Variants in DOCK2 observed in about 807,000 individuals in gnomAD.
DOCK2 encodes the protein dedicator of cytokinesis protein 2.
In DOCK2, 87 loss-of-function variants were observed where a neutral mutation model predicts 248.9. That is an observed-to-expected ratio of 0.35 (90% CI 0.29 to 0.42). The LOEUF is 0.42. Ranked by LOEUF, DOCK2 falls within the 10% of genes least tolerant of loss-of-function variation. The probability of loss-of-function intolerance (pLI) is 1.00; values close to 1 mark genes in which losing one functional copy is unlikely to be tolerated. For missense variants in DOCK2, 1,747 were observed against 2,300.2 expected, an observed-to-expected ratio of 0.76 and a Z score of 4.92; for synonymous variants, 805 against 821.6, an observed-to-expected ratio of 0.98 and a Z score of 0.35.
chr5:169,980,864 T>G (rs1173436169), intron 27 of DOCK2: 1 of 152,174 alleles, frequency 6.6e-6, no homozygotes, highest in African/African-American at 2.4e-5. Flanking sequence ...TGCCACCCAG[T>G]GTAGAGGCTA....
At chr5:169,896,383 C>T (rs957997580) in intron 27 of DOCK2, among the ~76,000 whole-genome samples, 13 of 152,206 alleles carry the variant, frequency 8.5e-5, no homozygotes, top group East Asian at 5.8e-4. Context: ...TGAAAACAGA[C>T]GGCTTAGATT....
intron 25 of DOCK2, among the ~76,000 whole-genome samples, chr5:169,768,782 G>T: frequency 6.6e-6 from 1 of 152,132 alleles, no homozygotes. Flanking sequence ...TAGCCTCATA[G>T]TGGGGCTGTC....
intron 26 of DOCK2, among the ~76,000 whole-genome samples, chr5:169,821,964 C>A (rs1768476996): frequency 6.6e-6 from 1 of 152,016 alleles, no homozygotes; most frequent in South Asian, 2.1e-4. Flanking sequence ...GCAGAGGTTG[C>A]AATCCTAGTC....
At chr5:170,052,258 C>A (rs1756945123) in intron 41 of DOCK2, among the ~76,000 whole-genome samples, 1 of 152,162 alleles carries the variant, frequency 6.6e-6, no homozygotes, top group Non-Finnish European at 1.5e-5. Flanking sequence ...TGGTTATTTG[C>A]AGGATCAAAT....
chr5:170,058,286 T>G (rs531799861), intron 44 of DOCK2, among the ~76,000 whole-genome samples: 13 of 152,328 alleles, frequency 8.5e-5, no homozygotes, highest in Non-Finnish European at 1.9e-4. Flanking sequence ...ATTTATTTAT[T>G]TATTCATTCA....
At chr5:169,935,236 G>GCAGGAGCTAAGAT (rs60663179) in intron 27 of DOCK2, among the ~76,000 whole-genome samples, 1 of 152,060 alleles carries the variant, frequency 6.6e-6, no homozygotes, top group Admixed American at 6.5e-5. Flanking sequence ...TACACTGTTT[G>GCAGGAGCTAAGAT]CTGTGAGTCA....
At chr5:169,884,037 A>G (rs965029063) in intron 27 of DOCK2, 6 of 735,732 alleles carry the variant, frequency 8.2e-6, no homozygotes, top group African/African-American at 5.3e-5. Context: ...TCCTCTTAGT[A>G]TGGGAAATCC....
At chr5:169,810,565 G>A (rs1767676090) in intron 26 of DOCK2, among the ~76,000 whole-genome samples, 1 of 152,134 alleles carries the variant, frequency 6.6e-6, no homozygotes, top group African/African-American at 2.4e-5. Flanking sequence ...AGGTGGGTTG[G>A]TTAACATCAG....
At chr5:169,841,996 T>A (rs1770006273) in intron 27 of DOCK2, among the ~76,000 whole-genome samples, 1 of 152,196 alleles carries the variant, frequency 6.6e-6, no homozygotes, top group Non-Finnish European at 1.5e-5. Context: ...TAAAAAAGGA[T>A]GAGGGCTACT....
At chr5:169,871,669 C>T (rs1261384208) in intron 27 of DOCK2, among the ~76,000 whole-genome samples, 1 of 152,172 alleles carries the variant, frequency 6.6e-6, no homozygotes, top group East Asian at 1.9e-4. Flanking sequence ...TAATCTGCAT[C>T]TGTATGAAAT....
intron 23 of DOCK2, among the ~76,000 whole-genome samples, chr5:169,751,552 C>G (rs1763894930): frequency 6.6e-6 from 1 of 152,216 alleles, no homozygotes; most frequent in South Asian, 2.1e-4. Flanking sequence ...TGGAAACCCT[C>G]TTTTGTGACC....
chr5:170,044,333 G>A (rs1355077940), intron 38 of DOCK2, among the ~76,000 whole-genome samples: 1 of 152,138 alleles, frequency 6.6e-6, no homozygotes, highest in African/African-American at 2.4e-5. Context: ...ACCATGCCCA[G>A]AACCCACCGT....
At chr5:169,700,574 A>G (rs1297661139) in intron 13 of DOCK2, among the ~76,000 whole-genome samples, 1 of 152,022 alleles carries the variant, frequency 6.6e-6, no homozygotes, top group Non-Finnish European at 1.5e-5. Flanking sequence ...TCATTGTAAA[A>G]TATTCAAATG....
At chr5:170,072,324 A>T (rs1319679372) in intron 46 of DOCK2, among the ~76,000 whole-genome samples, 1 of 152,152 alleles carries the variant, frequency 6.6e-6, no homozygotes, top group East Asian at 1.9e-4. Context: ...TGCCTTTGAG[A>T]TTCCTCTGGG....
At chr5:169,922,193 G>GA (rs1275088234) in intron 27 of DOCK2, among the ~76,000 whole-genome samples, 1 of 152,140 alleles carries the variant, frequency 6.6e-6, no homozygotes, top group Non-Finnish European at 1.5e-5. Context: ...AAGCTCTCCA[G>GA]AAAAAATTAC....
At chr5:169,943,927 G>A (rs11740625) in intron 27 of DOCK2, among the ~76,000 whole-genome samples, 36,132 of 152,134 alleles carry the variant, frequency 0.24, 4,551 homozygotes, top group Non-Finnish European at 0.27. Flanking sequence ...AATTCAGTGG[G>A]AAAATTTAGA....
At chr5:169,765,363 C>T (rs758374045) in intron 25 of DOCK2, among the ~76,000 whole-genome samples, 8 of 152,178 alleles carry the variant, frequency 5.3e-5, no homozygotes, top group Admixed American at 1.3e-4. Flanking sequence ...CTGTGGATGA[C>T]TTCAGGCTTC....
chr5:169,659,473 G>A (rs767690812), intron 2 of DOCK2, among the ~76,000 whole-genome samples: 12 of 152,114 alleles, frequency 7.9e-5, no homozygotes, highest in Non-Finnish European at 1.8e-4. Flanking sequence ...TTACAACATG[G>A]CCCAGAAGCT....
At chr5:169,922,968 T>C (rs1246986892) in intron 27 of DOCK2, among the ~76,000 whole-genome samples, 1 of 152,224 alleles carries the variant, frequency 6.6e-6, no homozygotes, top group East Asian at 1.9e-4. Context: ...TTTGTAAATA[T>C]CGAATTGTGA....
Sources: allele counts gnomAD v4.1 joint callset (sites outside exome capture counted in the v4.1 genomes callset), GRCh38; gene constraint gnomAD v4.1.1; transcripts MANE v1.5; gene names NCBI Gene and HGNC (gene_info 2026-07-23, HGNC 2026-07-21).